The following RALGPS1 variants were observed in gnomAD, a reference collection of about 807,000 sequenced individuals.
The protein encoded by RALGPS1 is Ral GEF with PH domain and SH3 binding motif 1.
A neutral mutation model predicts 78.8 loss-of-function variants in RALGPS1; 19 were observed. The ratio of observed to expected loss-of-function variants is 0.24; its 90% confidence interval spans 0.17 to 0.35. The LOEUF is 0.35. Ranked by LOEUF, RALGPS1 falls within the 10% of genes least tolerant of loss-of-function variation. RALGPS1 has a pLI of 1.00. For missense variants in RALGPS1, 454 were observed against 688.3 expected (o/e 0.66, Z 3.81); for synonymous variants, 228 against 256.3 (o/e 0.89, Z 1.06).
chr9:126,987,528 A>G (rs1036697689), intron 4 of RALGPS1, among the ~76,000 whole-genome samples: 2 of 152,020 alleles, frequency 1.3e-5, no homozygotes, highest in African/African-American at 4.8e-5. Context: ...ATACTGGTAC[A>G]TGCCAAAGGC....
intron 7 of RALGPS1, among the ~76,000 whole-genome samples, chr9:127,054,190 G>A (rs1272311223): frequency 1.3e-5 from 2 of 152,190 alleles, no homozygotes; most frequent in Non-Finnish European, 2.9e-5. Flanking sequence ...GGAAGCCACC[G>A]GTCTTAGCAG....
chr9:127,012,441 C>T (rs1447971270), intron 4 of RALGPS1, among the ~76,000 whole-genome samples: 1 of 152,224 alleles, frequency 6.6e-6, no homozygotes, highest in East Asian at 1.9e-4. Flanking sequence ...CCCTTCCCTT[C>T]CCTCCTCTTG....
chr9:127,008,070 G>A (rs1481275519), intron 4 of RALGPS1, among the ~76,000 whole-genome samples: 1 of 151,646 alleles, frequency 6.6e-6, no homozygotes, highest in Non-Finnish European at 1.5e-5. Flanking sequence ...AGGTGGATGT[G>A]GATGTTGTGA....
At chr9:127,052,655 C>T (rs2135402708) in intron 6 of RALGPS1, among the ~76,000 whole-genome samples, 192 bp from the exon 7 acceptor site, 2 of 152,324 alleles carry the variant, frequency 1.3e-5, no homozygotes, top group Middle Eastern at 6.8e-3. Flanking sequence ...GTTTTAGATG[C>T]AGACTCACCT....
At chr9:127,095,123 G>C (rs1281160) in intron 8 of RALGPS1, among the ~76,000 whole-genome samples, 1 of 152,222 alleles carries the variant, frequency 6.6e-6, no homozygotes, top group Non-Finnish European at 1.5e-5. Context: ...ATAGGGCCGG[G>C]CACGGTGGCT....
chr9:126,997,203 A>G (rs2042854229), intron 4 of RALGPS1, among the ~76,000 whole-genome samples: 1 of 152,208 alleles, frequency 6.6e-6, no homozygotes, highest in African/African-American at 2.4e-5. Context: ...CAGGAGAAGG[A>G]AATAAAGGGT....
chr9:127,082,008 ACAT>A (rs1348807480), intron 8 of RALGPS1, among the ~76,000 whole-genome samples: 1 of 152,226 alleles, frequency 6.6e-6, no homozygotes, highest in East Asian at 1.9e-4. Flanking sequence ...TGGTATTGAA[ACAT>A]CATGTCCACA....
In RALGPS1 at chr9:127,091,332, G is replaced by C. The variant is rs561571883; in HGVS notation, c.610+21976G>C. 1.3e-5 allele frequency among the ~76,000 whole-genome samples: 2 copies of C among 152,354 alleles called. No homozygotes were observed. Among genetic ancestry groups the C allele is most frequent in the East Asian group, 3.9e-4 (2 of 5,188 alleles). On this transcript the variant is annotated intron_variant, in intron 8 of 18. Coordinates refer to ENST00000259351, the MANE Select transcript of RALGPS1 (RefSeq NM_014636.3). This position sits in a 1 kb window ranked among gnomAD's most constrained non-coding sequence, Gnocchi z 4.3. ...TACGCAGTTGGTTAGCTCTATACCA[G>C]GTGCCTGGGACAGAAGTGGTGAGGC... is the stretch of plus-strand genomic sequence containing the variant.
intron 4 of RALGPS1, among the ~76,000 whole-genome samples, chr9:126,996,961 G>A (rs2042825516): frequency 6.6e-6 from 1 of 152,132 alleles, no homozygotes; most frequent in Non-Finnish European, 1.5e-5. Flanking sequence ...ATGCAGAAAA[G>A]GCCTTTGACA....
At chr9:127,186,867 C>T (rs1303889724) in intron 11 of RALGPS1, among the ~76,000 whole-genome samples, 1 of 152,168 alleles carries the variant, frequency 6.6e-6, no homozygotes, top group Non-Finnish European at 1.5e-5. Flanking sequence ...CAGATCCAGG[C>T]CTAGTCCTGG....
chr9:126,922,440 G>A (rs186705010), intron 1 of RALGPS1, among the ~76,000 whole-genome samples: 1 of 152,268 alleles, frequency 6.6e-6, no homozygotes, highest in Admixed American at 6.5e-5. Context: ...GATAACTAGG[G>A]CAAGGGAAGT....
At chr9:127,041,063 G>GTGTGTGTA (rs1004091757) in intron 5 of RALGPS1, among the ~76,000 whole-genome samples, 7 of 151,202 alleles carry the variant, frequency 4.6e-5, no homozygotes, top group African/African-American at 1.7e-4. Flanking sequence ...GTGTGTGTGT[G>GTGTGTGTA]TGTATGTACT....
chr9:127,046,672 CAAAAAA>C (rs71377987), intron 5 of RALGPS1, among the ~76,000 whole-genome samples: 2 of 40,452 alleles, frequency 4.9e-5, no homozygotes, highest in African/African-American at 1.7e-4. Flanking sequence ...CCCATCCATA[CAAAAAA>C]AAAAAAAAAA....
chr9:127,041,458 C>A (rs1440972233), intron 5 of RALGPS1, among the ~76,000 whole-genome samples: 1 of 152,214 alleles, frequency 6.6e-6, no homozygotes, highest in South Asian at 2.1e-4. Flanking sequence ...ATTTTGTATT[C>A]TCACCAGCAA....
Position 127,091,671 on chromosome 9 carries a change from T to G in RALGPS1, c.610+22315T>G. 6.2e-7 allele frequency: 1 copy of G among 1,612,958 alleles called. No homozygotes were observed. The highest frequency in any genetic ancestry group is 8.5e-7 in the Non-Finnish European group (1 of 1,179,434). ...TGGGTTTGACTCCACTTTTCCTACC[T>G]GTGTAGACATCATGATCTCTGTCCA... On this transcript the variant is annotated intron_variant, in intron 8 of 18. Coordinates refer to ENST00000259351, the MANE Select transcript of RALGPS1 (RefSeq NM_014636.3). This position sits in a 1 kb window ranked among gnomAD's most constrained non-coding sequence, Gnocchi z 4.3.
intron 4 of RALGPS1, among the ~76,000 whole-genome samples, chr9:126,985,076 T>C (rs1216071524): frequency 1.3e-5 from 2 of 152,238 alleles, no homozygotes; most frequent in East Asian, 3.8e-4. Context: ...CCCCACCCTA[T>C]TGACTTTGGG....
chr9:126,945,284 C>T (rs1000442319), intron 1 of RALGPS1, among the ~76,000 whole-genome samples: 1 of 152,110 alleles, frequency 6.6e-6, no homozygotes, highest in Admixed American at 6.5e-5. Context: ...CTGCAACCTC[C>T]GCCTCCCTGG....
intron 11 of RALGPS1, among the ~76,000 whole-genome samples, chr9:127,192,551 G>A (rs1457780245): frequency 6.6e-6 from 1 of 152,184 alleles, no homozygotes; most frequent in Non-Finnish European, 1.5e-5. Flanking sequence ...TCAGGAGGCT[G>A]AGCTGACAGG....
At chr9:127,100,850 G>A (rs887012138) in intron 8 of RALGPS1, among the ~76,000 whole-genome samples, 8 of 152,162 alleles carry the variant, frequency 5.3e-5, no homozygotes, top group Admixed American at 3.3e-4. Context: ...AACCTATGTC[G>A]GCTTTCATTG....
Sources: gnomAD v4.1 joint callset for allele counts (sites outside exome capture counted in the v4.1 genomes callset) on GRCh38, gnomAD v4.1.1 for gene constraint, Gnocchi (gnomAD v3.1) non-coding constraint, MANE v1.5 for transcripts, NCBI Gene and HGNC (gene_info 2026-07-23, HGNC 2026-07-21) for gene names.